TCF7L2: variants seen among roughly 807,000 people sequenced by gnomAD.
The protein encoded by TCF7L2 is transcription factor 7 like 2.
TCF7L2 carries 23 observed loss-of-function variants against 77.9 expected under a neutral mutation model. That is an observed-to-expected ratio of 0.30 (90% confidence interval 0.21 to 0.42). TCF7L2 has a LOEUF of 0.42. Ranked by LOEUF, TCF7L2 falls within the 10% of genes least tolerant of loss-of-function variation. The pLI is 1.00. For missense variants in TCF7L2, 654 were observed against 793.1 expected, an observed-to-expected ratio of 0.82 and a Z score of 2.11; for synonymous variants, 413 against 340.2, an observed-to-expected ratio of 1.21 and a Z score of -2.36.
chr10:112,961,264 C>A (rs28649988), intron 3 of TCF7L2, among the ~76,000 whole-genome samples: 26,066 of 131,724 alleles, frequency 0.2, 5,593 homozygotes, highest in Non-Finnish European at 0.27. Flanking sequence ...ACCCCCCCCC[C>A]CCCAACCTCG....
intron 5 of TCF7L2, chr10:113,129,542 A>C: frequency 9.8e-7 from 1 of 1,016,534 alleles, no homozygotes; most frequent in Non-Finnish European, 1.2e-6. Context: ...CTAGATTATT[A>C]GTGGACTTTT....
chr10:113,054,191 C>T (rs1048329117), intron 5 of TCF7L2, among the ~76,000 whole-genome samples: 2 of 152,242 alleles, frequency 1.3e-5, no homozygotes, highest in African/African-American at 2.4e-5. Context: ...ATTTGCATCA[C>T]AATGAGCCTT....
intron 5 of TCF7L2, among the ~76,000 whole-genome samples, chr10:113,107,480 A>G (rs1591774218): frequency 6.6e-6 from 1 of 151,316 alleles, no homozygotes; most frequent in Admixed American, 6.6e-5. Flanking sequence ...GTGGTGGCTC[A>G]TGCCTATAAT....
intron 13 of TCF7L2, among the ~76,000 whole-genome samples, chr10:113,162,187 A>G (rs2073266597): frequency 6.6e-6 from 1 of 152,194 alleles, no homozygotes; most frequent in Admixed American, 6.5e-5. Context: ...GCCATGGCCA[A>G]TGACTGGTTA....
intron 5 of TCF7L2, among the ~76,000 whole-genome samples, chr10:113,072,321 AG>A (rs2058129722): frequency 1.3e-5 from 2 of 150,314 alleles, no homozygotes; most frequent in African/African-American, 4.9e-5. Flanking sequence ...TTCCAAAGGG[AG>A]GGATTACTGG....
chr10:112,958,044 G>A (rs1302046297), intron 3 of TCF7L2, among the ~76,000 whole-genome samples: 1 of 152,156 alleles, frequency 6.6e-6, no homozygotes, highest in Non-Finnish European at 1.5e-5. Flanking sequence ...AAACTTACTA[G>A]CCCTCAGGGA....
In TCF7L2 at chr10:113,151,252, G is replaced by T; in HGVS notation, c.1001+129G>T. The T allele has an allele frequency of 2.4e-6, 3 of 1,246,710 alleles. No homozygotes were observed. Among genetic ancestry groups the T allele is most frequent in the Non-Finnish European group, 3.4e-6 (3 of 881,794 alleles). The allele number at this position is 1,246,710 out of a possible 1,614,324, so 77.2% of individuals were successfully genotyped here. On this transcript the variant is annotated intron_variant, in intron 9 of 13. Coordinates refer to ENST00000627217, the MANE Select transcript of TCF7L2 (RefSeq NM_001146274.2). This position sits in a 1 kb window ranked among gnomAD's most constrained non-coding sequence, Gnocchi z 5.2. Reference sequence around the variant, plus strand: ...TTTGACTGCAGCCAATACCCAGCCTGTGTGGGCTCTTCACTCCCTTACAAA... The same window carrying T: ...TTTGACTGCAGCCAATACCCAGCCTTTGTGGGCTCTTCACTCCCTTACAAA...
chr10:113,157,981 T>A, intron 11 of TCF7L2, 40 bp from the exon 12 acceptor site: 1 of 1,559,624 alleles, frequency 6.4e-7, no homozygotes, highest in Non-Finnish European at 8.7e-7. Flanking sequence ...CTCACATCTG[T>A]TTCTTGCAGT....
chr10:113,160,620 T>G lies in TCF7L2; in HGVS notation c.1320T>G (p.Asp440Glu). ...TTTGTGTTTACCTTATGCTAACAGA[T>G]GCAAATACTCCAAAGAAGTGTCGGG... Residue 440 changes from aspartate (D) to glutamate (E), a missense_variant and splice_region_variant, in exon 13 of 14, where the codon GAT (aspartate) becomes GAG (glutamate). Asp to Glu is a conservative substitution (Grantham distance 45). This residue lies in a region of TCF7L2 where 272 missense variants were observed against 215.4 expected (regional missense o/e 1.26). Transcript: ENST00000627217. 1 of 1,591,314 alleles carries G rather than the reference T, an allele frequency of 6.3e-7. No individual in the cohort carries two copies. The highest frequency in any genetic ancestry group is 8.6e-7 in the Non-Finnish European group (1 of 1,168,122).
chr10:113,048,422 C>T (rs2053830086), intron 5 of TCF7L2, among the ~76,000 whole-genome samples: 1 of 152,150 alleles, frequency 6.6e-6, no homozygotes, highest in South Asian at 2.1e-4. Context: ...TCTCCTCCCA[C>T]AATGGTGCTT....
intron 4 of TCF7L2, among the ~76,000 whole-genome samples, chr10:112,972,619 C>T (rs1013249217): frequency 1.3e-5 from 2 of 152,126 alleles, no homozygotes; most frequent in African/African-American, 4.8e-5. Flanking sequence ...TACAGGTATG[C>T]ATCACCACAC....
chr10:113,040,166 G>C, intron 5 of TCF7L2, 40 bp downstream of exon 5: 1 of 1,571,198 alleles, frequency 6.4e-7, no homozygotes, highest in Non-Finnish European at 8.7e-7. Context: ...CTTTATTGAG[G>C]GGGTGAAAAA....
chr10:112,987,911 T>G (rs554585106), intron 4 of TCF7L2: 1 of 149,058 alleles, frequency 6.7e-6, no homozygotes, highest in South Asian at 2.1e-4. Context: ...TAAATAAAAA[T>G]AAAATAAAAA....
intron 4 of TCF7L2, among the ~76,000 whole-genome samples, chr10:112,985,476 G>C (rs901783414): frequency 6.6e-6 from 1 of 150,462 alleles, no homozygotes; most frequent in Non-Finnish European, 1.5e-5. Context: ...CTTTTTTCTT[G>C]TATTACTACA....
chr10:113,054,212 T>C (rs11196210), intron 5 of TCF7L2, among the ~76,000 whole-genome samples: 152,246 of 152,380 alleles, frequency 1, 76,056 homozygotes, highest in Middle Eastern at 1. Context: ...CTATTCATCC[T>C]AAATTATACC....
chr10:113,150,237 T>A (rs545081042), intron 8 of TCF7L2, among the ~76,000 whole-genome samples: 3 of 152,166 alleles, frequency 2.0e-5, no homozygotes, highest in Admixed American at 2.0e-4. Flanking sequence ...GTAAAAGTGA[T>A]ATAGGAATCC....
Position 113,165,919 on chromosome 10 carries a change from C to A in TCF7L2, c.1756C>A (p.Leu586Met), listed in dbSNP as rs2137657150. 6.4e-7 allele frequency: 1 copy of A among 1,572,558 alleles called. No homozygotes were observed. The highest frequency in any genetic ancestry group is 1.2e-5 in the South Asian group (1 of 86,442). The change falls in exon 14 of 14, where the codon CTG (leucine) becomes ATG (methionine). Residue 586 changes from leucine (L) to methionine (M), a missense_variant. Leu to Met is a conservative substitution (Grantham distance 15). Coordinates refer to ENST00000627217, the MANE Select transcript of TCF7L2 (RefSeq NM_001146274.2). Reference sequence around the variant, plus strand: ...TTCTTCCTTACATTCCCACAGCTCCCTGGCCGGGACCCAGCCCCAGCCGCT... The same window carrying A: ...TTCTTCCTTACATTCCCACAGCTCCATGGCCGGGACCCAGCCCCAGCCGCT...
At chr10:113,033,035 G>A (rs886784286) in intron 4 of TCF7L2, among the ~76,000 whole-genome samples, 4 of 152,120 alleles carry the variant, frequency 2.6e-5, no homozygotes, top group Non-Finnish European at 5.9e-5. Context: ...TTCCTTTTAT[G>A]TGAGAAATGA....
chr10:113,016,070 T>C (rs987142271), intron 4 of TCF7L2, among the ~76,000 whole-genome samples: 10 of 151,994 alleles, frequency 6.6e-5, no homozygotes, highest in African/African-American at 2.2e-4. Flanking sequence ...TGTATTTTTT[T>C]TTTTTTTTAA....
Sources: allele counts gnomAD v4.1 joint callset (sites outside exome capture counted in the v4.1 genomes callset), GRCh38; gene constraint gnomAD v4.1.1; regional missense constraint gnomAD v4.1.1; non-coding constraint Gnocchi (gnomAD v3.1); transcripts MANE v1.5; gene names NCBI Gene and HGNC (gene_info 2026-07-23, HGNC 2026-07-21).